The following ZNF821 variants were observed in gnomAD, a reference collection of about 807,000 sequenced individuals.
ZNF821 encodes the protein zinc finger protein 821.
In ZNF821, 16 loss-of-function variants were observed where a neutral mutation model predicts 44.3. The ratio of observed to expected loss-of-function variants is 0.36; its 90% CI spans 0.24 to 0.55. The LOEUF is 0.55. Among genes scored for constraint, ZNF821 ranks in the 20% least tolerant of loss-of-function variants. The pLI, the probability that ZNF821 is intolerant of heterozygous loss-of-function variation, is 0.86. For synonymous variants in ZNF821, 204 were observed against 197.6 expected (o/e 1.03, Z -0.27); for missense variants, 436 against 547.6 (o/e 0.80, Z 2.03).
intron 2 of ZNF821, among the ~76,000 whole-genome samples, chr16:71,882,583 T>G (rs1035434377): frequency 1.3e-5 from 2 of 152,152 alleles, no homozygotes; most frequent in Non-Finnish European, 2.9e-5. Context: ...ATCCTCCTAG[T>G]GGCCAAATGG....
chr16:71,864,512 G>A (rs1051477380), intron 5 of ZNF821, among the ~76,000 whole-genome samples: 5 of 152,194 alleles, frequency 3.3e-5, no homozygotes, highest in Non-Finnish European at 7.3e-5. Context: ...TTCCTGTCAT[G>A]TTCCTTTCAG....
At chr16:71,865,142 A>T in intron 4 of ZNF821, 94 bp from the exon 5 acceptor site, 1 of 1,474,132 alleles carries the variant, frequency 6.8e-7, no homozygotes, top group Non-Finnish European at 9.3e-7. Flanking sequence ...AATAGAAAAC[A>T]TTTTCAGATC....
rs200240010 is a variant in ZNF821, at chr16:71,860,365, T to C, written c.892A>G (p.Met298Val). 19 of 1,611,644 alleles carry C rather than the reference T, an allele frequency of 1.2e-5. No homozygotes were observed. The highest frequency in any genetic ancestry group is 2.7e-5 in the African/African-American group (2 of 74,934). The change falls in exon 8 of 8, where the codon ATG becomes GTG. Residue 298 changes from methionine to valine, a missense_variant. Physicochemically the swap from Met to Val is conservative, Grantham distance 21. Transcript: ENST00000425432. This position sits in a 1 kb window ranked among gnomAD's most constrained non-coding sequence, Gnocchi z 7.3. ...AAGCGCTTGGCTTCACGGTCCCTCA[T>C]GCGCCTCACCTCCCGCTCCTCGGGG... ...ETPEEREVRR[M>V]RDREAKRLQR...
chr16:71,892,474 T>C lies in ZNF821; in HGVS notation n.448+2415A>G, dbSNP rs1230723210. Among the ~76,000 whole-genome samples the C allele has an allele frequency of 5.9e-5, 9 of 151,378 alleles. No homozygotes were observed. In the South Asian group the frequency reaches 1.7e-3, roughly 28 times the overall value. On this transcript the variant is annotated intron_variant and non_coding_transcript_variant, in intron 1 of 2. Transcript: ENST00000561700. ...TAGTAGAGACGGGGTTTCACCGTGTTAGCCAGGATGGTCTCTATCTCCTGA... is the reference window on the plus strand; with the variant it reads ...TAGTAGAGACGGGGTTTCACCGTGTCAGCCAGGATGGTCTCTATCTCCTGA...
intron 2 of ZNF821, chr16:71,881,180 AAG>A (rs2036385843): frequency 6.6e-6 from 1 of 152,230 alleles, no homozygotes; most frequent in Non-Finnish European, 1.5e-5. Flanking sequence ...TTATTGCCTT[AAG>A]AGGAGTTATG....
intron 3 of ZNF821, among the ~76,000 whole-genome samples, chr16:71,871,425 T>A (rs1220698024): frequency 6.6e-6 from 1 of 152,218 alleles, no homozygotes; most frequent in East Asian, 1.9e-4. Flanking sequence ...ATGTGAATTA[T>A]CTTCCAGTAG....
intron 1 of ZNF821, among the ~76,000 whole-genome samples, chr16:71,892,290 A>G: frequency 6.8e-6 from 1 of 146,722 alleles, no homozygotes; most frequent in East Asian, 2.2e-4. Context: ...TCTGTGAGAC[A>G]GAGTCTCCCT....
At chr16:71,881,818 A>T (rs1252295223) in intron 2 of ZNF821, 1 of 151,930 alleles carries the variant, frequency 6.6e-6, no homozygotes, top group Non-Finnish European at 1.5e-5. Context: ...AAAAATACAA[A>T]AATTAGCTGG....
intron 1 of ZNF821, among the ~76,000 whole-genome samples, chr16:71,890,970 T>C (rs2036882104): frequency 6.6e-6 from 1 of 151,550 alleles, no homozygotes; most frequent in Admixed American, 6.6e-5. Context: ...GAGACGGGGT[T>C]TCACTGTGTT....
upstream of ZNF821, among the ~76,000 whole-genome samples, chr16:71,886,485 C>G (rs750483675): frequency 4.6e-5 from 7 of 152,124 alleles, no homozygotes; most frequent in Non-Finnish European, 1.0e-4. Context: ...TTTCTACTTT[C>G]CCAATCTACT....
At position 71,879,065 on chromosome 16, in the gene ZNF821, G is replaced by A. The variant is rs115614327; in HGVS notation, c.40+842C>T. 6.2e-3 allele frequency among the ~76,000 whole-genome samples: 940 copies of A among 152,096 alleles called. 6 individuals carry two copies. Among genetic ancestry groups the A allele is most frequent in the African/African-American group, 0.022 (897 of 41,514 alleles). ...ACAAATTGCTTCATAGTACCAAAAC[G>A]CTGTATTCTAAATGTCACTCCCCTC... On this transcript the variant is annotated intron_variant, in intron 3 of 7. Coordinates refer to ENST00000425432, the MANE Select transcript of ZNF821 (RefSeq NM_001201552.2).
intron 6 of ZNF821, among the ~76,000 whole-genome samples, chr16:71,862,716 CT>C (rs35166591): frequency 0.47 from 71,158 of 151,950 alleles, 17,843 homozygotes; most frequent in East Asian, 0.92. Flanking sequence ...TGAAGAAATA[CT>C]TGTCCTCATG....
At chr16:71,886,525 A>T (rs998123807), upstream of ZNF821, among the ~76,000 whole-genome samples, 1 of 152,206 alleles carries the variant, frequency 6.6e-6, no homozygotes, top group Admixed American at 6.5e-5. Flanking sequence ...TGCCACTTCA[A>T]CTATTTAACT....
Position 71,880,002 on chromosome 16 carries a change from T to G in ZNF821, c.-56A>C. 1 of 1,553,256 alleles carries G rather than the reference T, an allele frequency of 6.4e-7. No individual in the cohort carries two copies. The highest frequency in any genetic ancestry group is 2.3e-5 in the East Asian group (1 of 44,192). Reference sequence around the variant, plus strand: ...CCAGTTTCACGACTGGATATGTTACTACCTCCTTGCAAGATGCTAACCTGC... The same window carrying G: ...CCAGTTTCACGACTGGATATGTTACGACCTCCTTGCAAGATGCTAACCTGC... On this transcript the variant is annotated 5_prime_UTR_variant, in exon 3 of 8. Transcript: ENST00000425432.
chr16:71,880,646 A>G (rs1350845246), intron 2 of ZNF821, among the ~76,000 whole-genome samples: 1 of 152,200 alleles, frequency 6.6e-6, no homozygotes, highest in East Asian at 1.9e-4. Context: ...AGCAAATCAA[A>G]CTTCTAATGT....
upstream of ZNF821, among the ~76,000 whole-genome samples, chr16:71,887,124 C>T (rs555262995): frequency 1.3e-4 from 20 of 152,240 alleles, no homozygotes; most frequent in African/African-American, 4.8e-4. Context: ...TTTTTGGCTA[C>T]TATGCATAAT....
intron 3 of ZNF821, among the ~76,000 whole-genome samples, chr16:71,872,315 C>T (rs1402207244): frequency 6.6e-6 from 1 of 151,158 alleles, no homozygotes; most frequent in Non-Finnish European, 1.5e-5. Context: ...CTGGAACATT[C>T]TTTAAGAGAG....
At chr16:71,880,902 A>G (rs574194685) in intron 2 of ZNF821, among the ~76,000 whole-genome samples, 1 of 152,334 alleles carries the variant, frequency 6.6e-6, no homozygotes, top group South Asian at 2.1e-4. Context: ...CACCCCATAT[A>G]GGAGGGGATA....
chr16:71,894,721 C>A, intron 1 of ZNF821: 1 of 426,470 alleles, frequency 2.3e-6, no homozygotes. Context: ...TTTTTTGTAG[C>A]GATGCGGTTT....
Sources: gnomAD v4.1 joint callset for allele counts (sites outside exome capture counted in the v4.1 genomes callset) on GRCh38, gnomAD v4.1.1 for gene constraint, Gnocchi (gnomAD v3.1) non-coding constraint, MANE v1.5 for transcripts, NCBI Gene and HGNC (gene_info 2026-07-23, HGNC 2026-07-21) for gene names.